The following NBEA variants were observed in gnomAD, a reference collection of about 807,000 sequenced individuals.
NBEA encodes the protein lysosomal-trafficking regulator 2.
A neutral mutation model predicts 343.4 loss-of-function variants in NBEA; 44 were observed. That is an observed-to-expected ratio of 0.13 (90% CI 0.10 to 0.16). The LOEUF (loss-of-function observed/expected upper bound fraction) is 0.16, where lower values mean the gene tolerates loss of function less well. NBEA is among the 10% of genes least tolerant of loss of function. NBEA has a pLI of 1.00. For missense variants in NBEA, 2,555 were observed against 3,631.3 expected (o/e 0.70, Z 7.62); for synonymous variants, 1,175 against 1,238.7 (o/e 0.95, Z 1.08).
At chr13:35,350,907 A>G (rs1305635642) in intron 37 of NBEA, among the ~76,000 whole-genome samples, 1 of 151,882 alleles carries the variant, frequency 6.6e-6, no homozygotes, top group African/African-American at 2.4e-5. Flanking sequence ...TTGATTTTAG[A>G]TGGGTACTTC....
chr13:35,478,091 G>A (rs2075959184), intron 41 of NBEA, among the ~76,000 whole-genome samples: 1 of 152,104 alleles, frequency 6.6e-6, no homozygotes, highest in Admixed American at 6.6e-5. Context: ...GACACTTTCA[G>A]AGTCACTTTT....
At chr13:35,132,747 A>C (rs1460444187) in intron 17 of NBEA, among the ~76,000 whole-genome samples, 1 of 152,206 alleles carries the variant, frequency 6.6e-6, no homozygotes, top group Non-Finnish European at 1.5e-5. Context: ...ATTAACTGCC[A>C]GTGGGCACAG....
chr13:35,227,414 C>T (rs974370102), intron 33 of NBEA, among the ~76,000 whole-genome samples: 23 of 151,988 alleles, frequency 1.5e-4, no homozygotes, highest in African/African-American at 5.6e-4. Flanking sequence ...CTCTCTTAAT[C>T]TTGTCTTTTC....
chr13:35,619,260 G>A (rs2082873248), intron 48 of NBEA, among the ~76,000 whole-genome samples: 1 of 152,104 alleles, frequency 6.6e-6, no homozygotes, highest in Non-Finnish European at 1.5e-5. Context: ...TTAGCCATGT[G>A]TTGTGCTGAA....
At chr13:34,993,781 T>G (rs534471772) in intron 1 of NBEA, among the ~76,000 whole-genome samples, 69 of 152,336 alleles carry the variant, frequency 4.5e-4, no homozygotes, top group African/African-American at 1.5e-3. Context: ...AAAATTTTCA[T>G]TTGTAAGAAA....
At chr13:35,303,720 G>C (rs915893426) in intron 35 of NBEA, among the ~76,000 whole-genome samples, 4 of 152,018 alleles carry the variant, frequency 2.6e-5, no homozygotes, top group Non-Finnish European at 5.9e-5. Context: ...TAATCTTTCT[G>C]TCTCTCCTTC....
chr13:35,133,761 T>C (rs1444650553), intron 17 of NBEA, among the ~76,000 whole-genome samples: 9 of 152,040 alleles, frequency 5.9e-5, no homozygotes, highest in Admixed American at 5.9e-4. Context: ...AAATTGCGTA[T>C]GAATAGATAT....
At chr13:34,994,296 C>T (rs993562795) in intron 1 of NBEA, among the ~76,000 whole-genome samples, 12 of 150,304 alleles carry the variant, frequency 8.0e-5, no homozygotes, top group African/African-American at 2.9e-4. Flanking sequence ...CAAAGGGATG[C>T]CTTACATTAA....
intron 38 of NBEA, among the ~76,000 whole-genome samples, chr13:35,380,151 CTT>C (rs2041937080): frequency 6.6e-6 from 1 of 151,924 alleles, no homozygotes; most frequent in Non-Finnish European, 1.5e-5. Context: ...CTTGGTAATA[CTT>C]TGTAGTTTTG....
intron 1 of NBEA, among the ~76,000 whole-genome samples, chr13:35,002,389 A>G (rs904126649): frequency 6.6e-6 from 1 of 152,192 alleles, no homozygotes; most frequent in African/African-American, 2.4e-5. Flanking sequence ...CCAAATACTA[A>G]TAGGTGAATG....
intron 40 of NBEA, among the ~76,000 whole-genome samples, chr13:35,459,818 A>G (rs2046807130): frequency 1.3e-5 from 2 of 152,230 alleles, no homozygotes; most frequent in Admixed American, 1.3e-4. Flanking sequence ...TCTAAAAGCT[A>G]AGAGTTTGTC....
chr13:35,037,640 A>G (rs941546541), intron 1 of NBEA, among the ~76,000 whole-genome samples: 2 of 152,174 alleles, frequency 1.3e-5, no homozygotes, highest in African/African-American at 4.8e-5. Context: ...CTAGATTACC[A>G]GGCAGAATCT....
chr13:35,600,870 C>T (rs1192747748), intron 47 of NBEA, among the ~76,000 whole-genome samples: 1 of 152,102 alleles, frequency 6.6e-6, no homozygotes, highest in East Asian at 1.9e-4. Flanking sequence ...CCATGAGGTT[C>T]CTCTTCTTTA....
chr13:35,380,993 A>G (rs1418691263), intron 38 of NBEA, among the ~76,000 whole-genome samples: 2 of 152,150 alleles, frequency 1.3e-5, no homozygotes, highest in African/African-American at 4.8e-5. Flanking sequence ...CTAAATTGGT[A>G]TAGAATTTTT....
chr13:35,521,616 G>C (rs1282625131), intron 41 of NBEA, among the ~76,000 whole-genome samples: 1 of 152,114 alleles, frequency 6.6e-6, no homozygotes, highest in Non-Finnish European at 1.5e-5. Flanking sequence ...AGATGTCCCT[G>C]GATCTCCCCG....
intron 36 of NBEA, among the ~76,000 whole-genome samples, chr13:35,333,998 A>C (rs558722061): frequency 1.3e-5 from 2 of 152,262 alleles, no homozygotes; most frequent in Admixed American, 1.3e-4. Flanking sequence ...CAGTACTGCA[A>C]CAGACGTAAG....
At chr13:35,343,093 GCTGACATAGCTATA>G (rs2039677181) in intron 36 of NBEA, among the ~76,000 whole-genome samples, 1 of 151,964 alleles carries the variant, frequency 6.6e-6, no homozygotes, top group Admixed American at 6.6e-5. Context: ...AAAAAACTAA[GCTGACATAGCTATA>G]TTGATATTTT....
chr13:35,267,827 T>G (rs574449477), intron 34 of NBEA, among the ~76,000 whole-genome samples: 63 of 150,348 alleles, frequency 4.2e-4, no homozygotes, highest in Non-Finnish European at 7.1e-4. Flanking sequence ...TGGGTACTAT[T>G]TAAAAAAAAA....
chr13:35,539,028 A>G (rs1349036866), intron 41 of NBEA, among the ~76,000 whole-genome samples: 1 of 152,236 alleles, frequency 6.6e-6, no homozygotes, highest in Non-Finnish European at 1.5e-5. Context: ...TAGATTAATA[A>G]TTCTTTTGCA....
Sources: allele counts gnomAD v4.1 joint callset (sites outside exome capture counted in the v4.1 genomes callset), GRCh38; gene constraint gnomAD v4.1.1; transcripts MANE v1.5; gene names NCBI Gene and HGNC (gene_info 2026-07-23, HGNC 2026-07-21).